TTN: variants seen among roughly 807,000 people sequenced by gnomAD.
TTN encodes connectin.
TTN carries 1,525 observed loss-of-function variants against 3,223.0 expected under a neutral mutation model. The observed-to-expected ratio is 0.47, with a 90% CI of 0.45 to 0.49. TTN has a LOEUF of 0.49. Among genes scored for constraint, TTN ranks in the 20% least tolerant of loss-of-function variants. TTN has a pLI of 0.00. For missense variants in TTN, 40,786 were observed against 43,424.0 expected, an observed-to-expected ratio of 0.94 and a Z score of 5.40; for synonymous variants, 14,094 against 15,161.0, an observed-to-expected ratio of 0.93 and a Z score of 5.17.
chr2:178,740,417 C>CA lies in TTN; in HGVS notation c.12815dup (p.Glu4273GlyfsTer7). On this transcript the variant is annotated frameshift_variant, in exon 48 of 363. Transcript: ENST00000589042. LOFTEE classifies it high-confidence loss of function. ...TGACATCAGGACTCTGGAGACTCTC[C>CA]ACGTGTCCCTCAGCTAAGCTCTGAC... 6.2e-7 allele frequency: 1 copy of CA among 1,613,104 alleles called. No individual in the cohort carries two copies. The highest frequency in any genetic ancestry group is 1.1e-5 in the South Asian group (1 of 90,968).
At chr2:178,583,987 T>G (rs2048354795) in intron 311 of TTN, 81 bp from the exon 312 acceptor site, 1 of 1,372,784 alleles carries the variant, frequency 7.3e-7, no homozygotes, top group Non-Finnish European at 9.7e-7. Flanking sequence ...TCATCCCTGC[T>G]GCTAAGTAAC....
chr2:178,535,853 T>C lies in TTN; in HGVS notation c.100766-4A>G. On this transcript the variant is annotated splice_region_variant and splice_polypyrimidine_tract_variant and intron_variant, in intron 357 of 362. Coordinates refer to ENST00000589042, the MANE Select transcript of TTN (RefSeq NM_001267550.2). ...GGTAAGTGTATCTTAGCTGGAACTG[T>C]ATCAGAAAAAAAAAAAAAAAGAATA... The C allele has an allele frequency of 6.6e-7, 1 of 1,509,966 alleles. No individual in the cohort carries two copies. Among genetic ancestry groups the C allele is most frequent in the Non-Finnish European group, 8.8e-7 (1 of 1,135,676 alleles). The allele number at this position is 1,509,966 out of a possible 1,614,324, so 93.5% of individuals were successfully genotyped here. A position where few individuals can be genotyped will look rare whatever the true frequency, so the allele number is the denominator to read the frequency against.
At chr2:178,750,749 C>T in intron 47 of TTN, 1 of 1,612,914 alleles carries the variant, frequency 6.2e-7, no homozygotes, top group South Asian at 1.1e-5. Flanking sequence ...TACAAGTGTA[C>T]CAAAAGATTC....
In TTN at chr2:178,561,098, G is replaced by A. The variant is rs1453883691; in HGVS notation, c.85034C>T (p.Pro28345Leu). ...SVSEPSESTG[P>L]IIVKDDVEPP... ...CTCAACATCATCTTTAACTATAATA[G>A]GCCCAGTGGATTCAGATGGCTCACT... The change falls in exon 326 of 363, where the codon CCT becomes CTT. Residue 28345 changes from proline (P) to leucine (L), a missense_variant. Physicochemically the swap from Pro to Leu is moderately conservative, Grantham distance 98. Transcript: ENST00000589042. The A allele has an allele frequency of 2.5e-6, 4 of 1,613,782 alleles. No individual in the cohort carries two copies. Among genetic ancestry groups the A allele is most frequent in the Non-Finnish European group, 3.4e-6 (4 of 1,179,804 alleles).
chr2:178,670,387 C>A (rs1186694768), intron 156 of TTN, 92 bp from the exon 157 acceptor site: 3 of 600,264 alleles, frequency 5.0e-6, no homozygotes. Context: ...GAACAGAACA[C>A]AGCAACAATA....
chr2:178,767,992 G>A (rs2090810153), intron 39 of TTN, 22 bp downstream of exon 39: 2 of 1,614,086 alleles, frequency 1.2e-6, no homozygotes, highest in African/African-American at 1.3e-5. Context: ...TTACTGGAAT[G>A]TAGCAAGACA....
In TTN at chr2:178,766,581, A is replaced by G; in HGVS notation, c.9503T>C (p.Phe3168Ser). 2 of 1,614,056 alleles carry G rather than the reference A, an allele frequency of 1.2e-6. No homozygotes were observed. Among genetic ancestry groups the G allele is most frequent in the Non-Finnish European group, 1.7e-6 (2 of 1,179,970 alleles). Residue 3168 changes from phenylalanine to serine, a missense_variant, in exon 41 of 363, where the codon TTT becomes TCT. By Grantham distance (155) the Phe-to-Ser change is radical. Coordinates refer to ENST00000589042, the MANE Select transcript of TTN (RefSeq NM_001267550.2). ...ATCAACATCGTCTTCATTGACCTCA[A>G]ATTCAACAACAGCACGCTGTTTCTC... The part of the protein sequence containing the change: ...VIEKQRAVVE[F>S]EVNEDDVDAH...
intron 130 of TTN, 42 bp from the exon 131 acceptor site, chr2:178,684,791 AAAAC>A: frequency 6.3e-7 from 1 of 1,588,894 alleles, no homozygotes; most frequent in Non-Finnish European, 8.6e-7. Context: ...TACGATATGG[AAAAC>A]ACTAAACACA....
chr2:178,636,308 AGAG>A lies in TTN; in HGVS notation c.41330-70_41330-68del. 6.7e-7 allele frequency: 1 copy of A among 1,488,968 alleles called. No individual in the cohort carries two copies. Among genetic ancestry groups the A allele is most frequent in the Non-Finnish European group, 8.9e-7 (1 of 1,119,804 alleles). The allele number at this position is 1,488,968 out of a possible 1,614,324, so 92.2% of individuals were successfully genotyped here. ...TTCAATGAAATAAAACTTGGAAATA[AGAG>A]GTTTTGTAAAACTACAATGCAAGTT... is the stretch of plus-strand genomic sequence containing the variant. On this transcript the variant is annotated intron_variant, in intron 225 of 362. Coordinates refer to ENST00000589042, the MANE Select transcript of TTN (RefSeq NM_001267550.2). The surrounding 1 kb of genome is among the most constrained non-coding windows in gnomAD (Gnocchi z 4.3).
In TTN at chr2:178,533,120, C is replaced by G; in HGVS notation, c.103495G>C (p.Ala34499Pro). The part of the protein sequence containing the change: ...GTESVPLTQV[A>P]KEALREAAVL... ...GCAGCTTCTCTCAGAGCCTCTTTAG[C>G]TACCTGTGTCAGTGGTACACTTTCA... The change falls in exon 358 of 363, where the codon GCT becomes CCT. Residue 34499 changes from alanine (A) to proline (P), a missense_variant. Coordinates refer to ENST00000589042, the MANE Select transcript of TTN (RefSeq NM_001267550.2). 3.1e-6 allele frequency: 5 copies of G among 1,614,000 alleles called. No homozygotes were observed. Among genetic ancestry groups the G allele is most frequent in the South Asian group, 1.1e-5 (1 of 91,086 alleles).
rs1054575549 is a variant in TTN, at chr2:178,649,379, T to C, written c.39974-48A>G. The C allele has an allele frequency of 3.7e-6, 5 of 1,350,328 alleles. No individual in the cohort carries two copies. In the African/African-American group the frequency reaches 7.4e-5, roughly 20 times the overall value. 83.6% of individuals were successfully genotyped at this position (1,350,328 alleles called of 1,614,324 possible). ...TTAAAAATAGTATTTAAAAACATTT[T>C]AAAATATTAAGAATAAAAAACCTGT... On this transcript the variant is annotated intron_variant, in intron 212 of 362. Coordinates refer to ENST00000589042, the MANE Select transcript of TTN (RefSeq NM_001267550.2).
chr2:178,572,754 C>G lies in TTN; in HGVS notation c.73378G>C (p.Val24460Leu). The G allele has an allele frequency of 1.2e-6, 2 of 1,613,508 alleles. No individual in the cohort carries two copies. Among genetic ancestry groups the G allele is most frequent in the African/African-American group, 1.3e-5 (1 of 74,996 alleles). ...TCTCCATGGTCCCGGGCCCACTTCA[C>G]CTCAGGTGCAGGCCTTCCTTTGATG... is the stretch of plus-strand genomic sequence containing the variant. ...VPIKGRPAPE[V>L]KWARDHGESL... is the part of the protein sequence containing the mutation. Residue 24460 changes from valine (V) to leucine (L), a missense_variant, in exon 326 of 363, where the codon GTG becomes CTG. Physicochemically the swap from Val to Leu is conservative, Grantham distance 32. Transcript: ENST00000589042.
chr2:178,703,688 T>C (rs1310201372), intron 106 of TTN, among the ~76,000 whole-genome samples: 1 of 152,222 alleles, frequency 6.6e-6, no homozygotes, highest in East Asian at 1.9e-4. Flanking sequence ...GAAATAAATA[T>C]TTTTGAAAAA....
rs550083531 is a variant in TTN, at chr2:178,757,729, T to C, written c.10491A>G (p.Gln3497=). 7.4e-6 allele frequency: 12 copies of C among 1,613,898 alleles called. No individual in the cohort carries two copies. The African/African-American group carries it at 8.0e-5, about 11-fold the overall frequency. The part of the protein sequence containing the change: ...RVSGIPKPEI[Q]WFHNQQLILP... Reference sequence around the variant, plus strand: ...GAATTAGCTGCTGGTTATGAAACCATTGGATTTCTGGCTTGGGAATGCCAG... The same window carrying C: ...GAATTAGCTGCTGGTTATGAAACCACTGGATTTCTGGCTTGGGAATGCCAG... The change falls in exon 45 of 363, where the codon CAA becomes CAG. Residue 3497 remains glutamine, a synonymous_variant. Coordinates refer to ENST00000589042, the MANE Select transcript of TTN (RefSeq NM_001267550.2).
rs1553555529 is a variant in TTN, at chr2:178,558,018, A to G, written c.87336T>C (p.Ala29112=). The G allele has an allele frequency of 5.0e-6, 8 of 1,613,910 alleles. No individual in the cohort carries two copies. Among genetic ancestry groups the G allele is most frequent in the Non-Finnish European group, 6.8e-6 (8 of 1,179,860 alleles). Residue 29112 remains alanine (A), a synonymous_variant, in exon 328 of 363, where the codon GCT becomes GCC. Transcript: ENST00000589042. ...TGGCAGCAGTGATTTCATATCTCCC[A>G]GCGTCAGCTGTAACACTTTCTTTGA... is the stretch of plus-strand genomic sequence containing the variant. The part of the protein sequence containing the change: ...INLKESVTAD[A]GRYEITAANS...
Position 178,547,542 on chromosome 2 carries a change from T to C in TTN, c.94084A>G (p.Ser31362Gly). ...GTTAWQLVNS[S>G]VKRTQIKVTH... is the part of the protein sequence containing the mutation. ...ACTTTAATTTGAGTGCGCTTGACAC[T>C]GGAATTGACAAGCTGCCAAGCTGTT... is the stretch of plus-strand genomic sequence containing the variant. Residue 31362 changes from serine (S) to glycine (G), a missense_variant, in exon 339 of 363, where the codon AGT (serine) becomes GGT (glycine). Ser to Gly is a moderately conservative substitution (Grantham distance 56). Coordinates refer to ENST00000589042, the MANE Select transcript of TTN (RefSeq NM_001267550.2). The C allele has an allele frequency of 3.1e-6, 5 of 1,613,812 alleles. No homozygotes were observed. The highest frequency in any genetic ancestry group is 4.2e-6 in the Non-Finnish European group (5 of 1,179,796).
In TTN at chr2:178,715,249, C is replaced by T. The variant is rs144587343; in HGVS notation, c.25937G>A (p.Arg8646His). The T allele has an allele frequency of 1.1e-4, 173 of 1,601,940 alleles. No individual in the cohort carries two copies. The highest frequency in any genetic ancestry group is 4.3e-4 in the African/African-American group (32 of 74,240). Reference protein sequence around the residue: ...SLKVKEPPIFRKKPHPIETLK... With the variant: ...SLKVKEPPIFHKKPHPIETLK... Reference sequence around the variant, plus strand: ...TGTCTCTATAGGATGAGGCTTTTTGCGGAAAATGGGTGGTTCTAAAATTGG... The same window carrying T: ...TGTCTCTATAGGATGAGGCTTTTTGTGGAAAATGGGTGGTTCTAAAATTGG... The change falls in exon 90 of 363, where the codon CGC becomes CAC. Residue 8646 changes from arginine (R) to histidine (H), a missense_variant. Transcript: ENST00000589042.
In TTN at chr2:178,558,287, C is replaced by T. The variant is rs371091697; in HGVS notation, c.87119-52G>A. ...GTGAAAAAGTGTTTCTGAAAATTAA[C>T]ATAAATCAATGCAAATAATTTCAAA... On this transcript the variant is annotated intron_variant, in intron 327 of 362. Coordinates refer to ENST00000589042, the MANE Select transcript of TTN (RefSeq NM_001267550.2). The T allele has an allele frequency of 4.4e-6, 7 of 1,591,974 alleles. No individual in the cohort carries two copies. In the African/African-American group the frequency reaches 8.2e-5, roughly 19 times the overall value.
In TTN at chr2:178,589,691, T is replaced by C; in HGVS notation, c.62034A>G (p.Ala20678=). The change falls in exon 304 of 363, where the codon GCA becomes GCG. Residue 20678 remains alanine (A), a synonymous_variant. Transcript: ENST00000589042. ...RPGEPENLHI[A]DKGKTFVYLK... ...GATAGACAAATGTCTTTCCTTTATC[T>C]GCAATGTGAAGGTTTTCAGGCTCAC... is the stretch of plus-strand genomic sequence containing the variant. The C allele has an allele frequency of 6.2e-7, 1 of 1,613,556 alleles. No homozygotes were observed. Among genetic ancestry groups the C allele is most frequent in the East Asian group, 2.2e-5 (1 of 44,794 alleles).
Sources: gnomAD v4.1 joint callset for allele counts (sites outside exome capture counted in the v4.1 genomes callset) on GRCh38, gnomAD v4.1.1 for gene constraint, Gnocchi (gnomAD v3.1) non-coding constraint, MANE v1.5 for transcripts, NCBI Gene and HGNC (gene_info 2026-07-23, HGNC 2026-07-21) for gene names.